The following BCO2 variants were observed in gnomAD, a reference collection of about 807,000 sequenced individuals.
BCO2 encodes beta-carotene oxygenase 2.
BCO2 carries 56 observed loss-of-function variants against 65.8 expected under a neutral mutation model. That is an observed-to-expected ratio of 0.85 (90% CI 0.69 to 1.06). The LOEUF is 1.06. Among genes scored for constraint, BCO2 ranks in the 50% least tolerant of loss-of-function variants. The pLI is 0.00. For synonymous variants in BCO2, 233 were observed against 242.3 expected (o/e 0.96, Z 0.36); for missense variants, 675 against 698.5 (o/e 0.97, Z 0.38).
At chr11:112,184,415 G>C (rs905909915) in intron 2 of BCO2, among the ~76,000 whole-genome samples, 2 of 151,910 alleles carry the variant, frequency 1.3e-5, no homozygotes, top group Admixed American at 1.3e-4. Context: ...ACCACGCCTG[G>C]CTAATTTTTT....
intron 8 of BCO2, among the ~76,000 whole-genome samples, chr11:112,212,938 C>A (rs1282108416): frequency 6.6e-6 from 1 of 152,064 alleles, no homozygotes; most frequent in Non-Finnish European, 1.5e-5. Flanking sequence ...CAGCAACCAG[C>A]CCAAGGTCAG....
rs1566806178 is a variant in BCO2, at chr11:112,217,779, CTAG to C, written c.1647_1649del (p.Val550del). The C allele has an allele frequency of 7.4e-6, 12 of 1,612,020 alleles. No homozygotes were observed. In the East Asian group the frequency reaches 2.7e-4, roughly 36 times the overall value. On this transcript the variant is annotated inframe_deletion, in exon 12 of 12. Coordinates refer to ENST00000357685, the MANE Select transcript of BCO2 (RefSeq NM_031938.7). ...TTTCTAGAATGAAAGCAATTTTATC[CTAG>C]TTTTGGATGCCAAGAACTTTGAAGA...
chr11:112,187,510 C>T (rs1280684558), intron 2 of BCO2, among the ~76,000 whole-genome samples: 4 of 150,916 alleles, frequency 2.7e-5, no homozygotes, highest in Admixed American at 6.6e-5. Context: ...ACAGGGTCTG[C>T]CGCAAGTCTC....
At chr11:112,177,940 CT>C (rs1461202778) in intron 1 of BCO2, among the ~76,000 whole-genome samples, 13 of 144,590 alleles carry the variant, frequency 9.0e-5, no homozygotes, top group Non-Finnish European at 2.0e-4. Flanking sequence ...CGAAGTTTCG[CT>C]CTTGTTGCCC....
chr11:112,213,591 G>A, intron 8 of BCO2, 133 bp from the exon 9 acceptor site: 2 of 994,520 alleles, frequency 2.0e-6, no homozygotes, highest in Non-Finnish European at 3.0e-6. Context: ...CAAATATTAA[G>A]TAGATGAATG....
chr11:112,179,613 T>A, intron 2 of BCO2, 131 bp downstream of exon 2: 1 of 837,842 alleles, frequency 1.2e-6, no homozygotes, highest in East Asian at 2.6e-5. Context: ...ATAAAGAAAC[T>A]GTAGCCTAGA....
At chr11:112,181,706 A>G (rs1051148100) in intron 2 of BCO2, 18 of 973,988 alleles carry the variant, frequency 1.8e-5, no homozygotes, top group South Asian at 3.8e-5. Flanking sequence ...GATTTTTACT[A>G]GCAACTCCAA....
chr11:112,212,095 T>G (rs1859528451), intron 8 of BCO2, among the ~76,000 whole-genome samples: 1 of 152,174 alleles, frequency 6.6e-6, no homozygotes, highest in Admixed American at 6.5e-5. Context: ...CACTAAATCT[T>G]TACTCACTAA....
rs1192181448 is a variant in BCO2, at chr11:112,218,062, G to A, written c.*188G>A. On this transcript the variant is annotated 3_prime_UTR_variant, in exon 12 of 12. Coordinates refer to ENST00000357685, the MANE Select transcript of BCO2 (RefSeq NM_031938.7). ...GGGTTCGTTAGAAGTCCAAACCTCA[G>A]CAGCACACAATATACTCATGTAACA... 1.9e-6 allele frequency: 1 copy of A among 531,432 alleles called. No individual in the cohort carries two copies. The highest frequency in any genetic ancestry group is 3.3e-6 in the Non-Finnish European group (1 of 300,286). 32.9% of individuals were successfully genotyped at this position (531,432 alleles called of 1,614,324 possible).
chr11:112,205,661 G>A (rs1041950420), intron 8 of BCO2, among the ~76,000 whole-genome samples: 10 of 151,120 alleles, frequency 6.6e-5, no homozygotes, highest in Non-Finnish European at 8.8e-5. Context: ...GTCTTATTAT[G>A]TTGCCAAGGC....
At chr11:112,192,352 C>T (rs562893443) in intron 2 of BCO2, among the ~76,000 whole-genome samples, 25 of 152,078 alleles carry the variant, frequency 1.6e-4, no homozygotes, top group African/African-American at 6.0e-4. Flanking sequence ...CAGCTGAACC[C>T]AATAATTAAA....
At chr11:112,213,920 T>C in intron 9 of BCO2, 59 bp downstream of exon 9, 1 of 984,656 alleles carries the variant, frequency 1.0e-6, no homozygotes, top group East Asian at 3.0e-5. Flanking sequence ...TACTTTATTC[T>C]TTAGCTGTTT....
At chr11:112,199,257 C>T (rs1198266877) in intron 5 of BCO2, among the ~76,000 whole-genome samples, 4 of 152,132 alleles carry the variant, frequency 2.6e-5, no homozygotes, top group South Asian at 2.1e-4. Flanking sequence ...TGGTTTCCAG[C>T]GTCATCCATG....
At chr11:112,200,331 T>A in intron 6 of BCO2, 1 of 267,206 alleles carries the variant, frequency 3.7e-6, no homozygotes, top group East Asian at 8.6e-5. Flanking sequence ...TTTTTTACTT[T>A]GTTCCTAAAC....
chr11:112,201,906 A>C (rs1279119034), intron 7 of BCO2, 117 bp from the exon 8 acceptor site: 1 of 843,388 alleles, frequency 1.2e-6, no homozygotes, highest in African/African-American at 1.7e-5. Context: ...GCCACTTCAG[A>C]GGGGAAAATC....
Position 112,214,758 on chromosome 11 carries a change from T to C in BCO2, c.1333-4T>C. On this transcript the variant is annotated splice_region_variant and splice_polypyrimidine_tract_variant and intron_variant, in intron 9 of 11. Transcript: ENST00000357685. ...ACTACAAATCCTTTTGAAATCTCTT[T>C]TAGATCTGGTGCTCTCATGAAAATC... 2 of 1,611,230 alleles carry C rather than the reference T, an allele frequency of 1.2e-6. No homozygotes were observed. Among genetic ancestry groups the C allele is most frequent in the Non-Finnish European group, 1.7e-6 (2 of 1,177,814 alleles).
chr11:112,194,536 T>A, intron 4 of BCO2, 117 bp from the exon 5 acceptor site: 3 of 659,424 alleles, frequency 4.5e-6, no homozygotes, highest in Non-Finnish European at 7.8e-6. Flanking sequence ...GGCAAGAAAT[T>A]AGGGCTTACA....
rs1036547669 is a variant in BCO2, at chr11:112,199,793, A to G, written c.831A>G (p.Thr277=). The change falls in exon 6 of 12, where the codon ACA becomes ACG. Residue 277 remains threonine, a synonymous_variant. Transcript: ENST00000357685. The stretch of plus-strand genomic sequence containing the variant: ...AGGTGATATGTTCTATTGCTTCTAC[A>G]GAGAAAGGGAAACCTTCTTACTACC... ...GVQVICSIAS[T]EKGKPSYYHS... is the part of the protein sequence containing the mutation. The G allele has an allele frequency of 4.3e-6, 7 of 1,614,108 alleles. No individual in the cohort carries two copies. Among genetic ancestry groups the G allele is most frequent in the Admixed American group, 3.3e-5 (2 of 60,018 alleles).
intron 2 of BCO2, among the ~76,000 whole-genome samples, chr11:112,187,010 G>A (rs562657248): frequency 2.6e-5 from 4 of 152,036 alleles, no homozygotes; most frequent in African/African-American, 7.2e-5. Context: ...ATGCCACTTC[G>A]ACAAGGCCAC....
Sources: allele counts gnomAD v4.1 joint callset (sites outside exome capture counted in the v4.1 genomes callset), GRCh38; gene constraint gnomAD v4.1.1; transcripts MANE v1.5; gene names NCBI Gene and HGNC (gene_info 2026-07-23, HGNC 2026-07-21).